CLDN14: variants seen among roughly 807,000 people sequenced by gnomAD.
The protein encoded by CLDN14 is claudin-14.
CLDN14 carries 2 observed loss-of-function variants against 2.1 expected under a neutral mutation model. The observed-to-expected ratio is 0.96, with a 90% CI of 0.39 to 3.01. The LOEUF (loss-of-function observed/expected upper bound fraction) is 3.01, where lower values mean the gene tolerates loss of function less well. CLDN14 is among the 30% of genes most tolerant of loss of function. The pLI, the probability that CLDN14 is intolerant of heterozygous loss-of-function variation, is 0.09. For synonymous variants in CLDN14, 136 were observed against 154.4 expected, an observed-to-expected ratio of 0.88 and a Z score of 0.88; for missense variants, 298 against 328.0, an observed-to-expected ratio of 0.91 and a Z score of 0.71.
intron 1 of CLDN14, among the ~76,000 whole-genome samples, chr21:36,523,759 A>AAAAAAGAAAGAAAG: frequency 1.3e-5 from 1 of 78,128 alleles, no homozygotes; most frequent in Non-Finnish European, 2.7e-5. Flanking sequence ...AAAAAAAAAA[A>AAAAAAGAAAGAAAG]AAAGAAAGAA....
In CLDN14 at chr21:36,544,694, C is replaced by G. The variant is rs1367917301; in HGVS notation, c.-220+31717G>C. ...TCTTTACACCTCCTTCCTGCTGACC[C>G]GACTGCAAATCAGCTTTTGATGGGA... is the stretch of plus-strand genomic sequence containing the variant. On this transcript the variant is annotated intron_variant, in intron 1 of 2. Transcript: ENST00000342108. This position sits in a 1 kb window ranked among gnomAD's most constrained non-coding sequence, Gnocchi z 4.1. Among the ~76,000 whole-genome samples, 1 of 152,144 alleles carries G rather than the reference C, an allele frequency of 6.6e-6. No homozygotes were observed. The highest frequency in any genetic ancestry group is 1.5e-5 in the Non-Finnish European group (1 of 68,036).
rs2087263752 is a variant in CLDN14 at position 36,520,796 on chromosome 21, A to T, written c.-219-10296T>A. Among the ~76,000 whole-genome samples, 3 of 152,086 alleles carry T rather than the reference A, an allele frequency of 2.0e-5. No homozygotes were observed. In the South Asian group the frequency reaches 6.2e-4, roughly 32 times the overall value. ...CCATACTTCTAAGCAATCCACCAGG[A>T]GCCACAATGGCCCCAAGCAAAAGAT... On this transcript the variant is annotated intron_variant, in intron 1 of 2. Coordinates refer to the CLDN14 transcript ENST00000342108.
chr21:36,488,192 C>T (rs919489149), intron 2 of CLDN14, among the ~76,000 whole-genome samples: 1 of 146,572 alleles, frequency 6.8e-6, no homozygotes, highest in Non-Finnish European at 1.5e-5. Context: ...GAAATATGCC[C>T]ATTGCAAAAA....
At chr21:36,472,633 G>A (rs1026752758) in intron 1 of CLDN14, among the ~76,000 whole-genome samples, 3 of 152,150 alleles carry the variant, frequency 2.0e-5, no homozygotes, top group African/African-American at 7.2e-5. Flanking sequence ...CATCAGCTCA[G>A]GCTGCCACAA....
At chr21:36,531,291 GTTTTT>G (rs573798801) in intron 1 of CLDN14, among the ~76,000 whole-genome samples, 9 of 144,324 alleles carry the variant, frequency 6.2e-5, no homozygotes, top group Non-Finnish European at 1.5e-5. Context: ...TGCTATAAAT[GTTTTT>G]TTTTTTTTGA....
In CLDN14 at chr21:36,499,851, A is replaced by G. The variant is rs2087076806; in HGVS notation, c.-82+10512T>C. Reference sequence around the variant, plus strand: ...CCAGGGCTGCTGTCATCTCCTGATGACGAGCAACATTTTCACAACATCAGG... The same window carrying G: ...CCAGGGCTGCTGTCATCTCCTGATGGCGAGCAACATTTTCACAACATCAGG... On this transcript the variant is annotated intron_variant, in intron 2 of 2. Coordinates refer to the CLDN14 transcript ENST00000342108. This position sits in a 1 kb window ranked among gnomAD's most constrained non-coding sequence, Gnocchi z 4.7. 1.3e-5 allele frequency among the ~76,000 whole-genome samples: 2 copies of G among 152,174 alleles called. No homozygotes were observed. Among genetic ancestry groups the G allele is most frequent in the Middle Eastern group, 3.4e-3 (1 of 294 alleles).
intron 1 of CLDN14, among the ~76,000 whole-genome samples, chr21:36,545,794 A>G (rs1304353611): frequency 6.6e-6 from 1 of 152,168 alleles, no homozygotes; most frequent in East Asian, 1.9e-4. Context: ...TCCCCTCCCA[A>G]TTAAAATGAT....
At chr21:36,513,474 C>T (rs566243795) in intron 1 of CLDN14, among the ~76,000 whole-genome samples, 1 of 152,336 alleles carries the variant, frequency 6.6e-6, no homozygotes, top group South Asian at 2.1e-4. Flanking sequence ...CTCAGGACTT[C>T]AGCTCCAGTG....
intron 1 of CLDN14, among the ~76,000 whole-genome samples, chr21:36,543,436 G>A (rs560091454): frequency 3.0e-4 from 45 of 152,218 alleles, no homozygotes; most frequent in Non-Finnish European, 5.6e-4. Context: ...GCAAACAAAA[G>A]AGAGTGATAG....
At chr21:36,479,096 A>G (rs1171558431) in intron 1 of CLDN14, among the ~76,000 whole-genome samples, 1 of 152,002 alleles carries the variant, frequency 6.6e-6, no homozygotes, top group East Asian at 1.9e-4. Flanking sequence ...TTGCAGAAAA[A>G]CGAGGGAGTC....
chr21:36,524,263 G>A (rs904367061), intron 1 of CLDN14, among the ~76,000 whole-genome samples: 1 of 152,280 alleles, frequency 6.6e-6, no homozygotes, highest in East Asian at 1.9e-4. Flanking sequence ...GGGGTCACAC[G>A]TGTGTGCCGC....
chr21:36,563,754 T>C (rs1428775249), intron 1 of CLDN14, among the ~76,000 whole-genome samples: 1 of 152,216 alleles, frequency 6.6e-6, no homozygotes, highest in Non-Finnish European at 1.5e-5. Context: ...TGGAGCCTTT[T>C]GGCAGACAGG....
chr21:36,550,994 G>C (rs1016965107), intron 1 of CLDN14, among the ~76,000 whole-genome samples: 1 of 152,224 alleles, frequency 6.6e-6, no homozygotes, highest in Admixed American at 6.5e-5. Context: ...GCAGGCACCA[G>C]GGGAAGGCCA....
chr21:36,537,401 CTTTA>C (rs1448036443), intron 1 of CLDN14, among the ~76,000 whole-genome samples: 1 of 151,994 alleles, frequency 6.6e-6, no homozygotes, highest in Admixed American at 6.6e-5. Flanking sequence ...TTAGATCCTG[CTTTA>C]TTTTTTATTT....
chr21:36,564,164 C>A lies in CLDN14; in HGVS notation c.-220+12247G>T, dbSNP rs573643842. ...AGGAGCTCGGCTCAGTGTTTGTCAG[C>A]AAAATTAGCCTTTTCTTGCAGTGTT... On this transcript the variant is annotated intron_variant, in intron 1 of 2. Coordinates refer to the CLDN14 transcript ENST00000342108. Among the ~76,000 whole-genome samples, 3 of 152,312 alleles carry A rather than the reference C, an allele frequency of 2.0e-5. No homozygotes were observed. The South Asian group carries it at 6.2e-4, about 32-fold the overall frequency.
intron 2 of CLDN14, among the ~76,000 whole-genome samples, chr21:36,501,100 TC>T (rs1423044598): frequency 6.6e-6 from 1 of 152,196 alleles, no homozygotes; most frequent in Non-Finnish European, 1.5e-5. Flanking sequence ...GCCTGCCACA[TC>T]CTGAACCCTT....
chr21:36,470,240 C>A (rs540755054), intron 1 of CLDN14, among the ~76,000 whole-genome samples: 122 of 152,120 alleles, frequency 8.0e-4, no homozygotes, highest in Non-Finnish European at 1.7e-3. Context: ...CAGAATGTGA[C>A]CTTATTTGGA....
At chr21:36,538,632 A>AG (rs2087452200) in intron 1 of CLDN14, among the ~76,000 whole-genome samples, 1 of 46,206 alleles carries the variant, frequency 2.2e-5, no homozygotes, top group African/African-American at 3.8e-5. Context: ...AAAGAGAGAG[A>AG]AAAAAAAGAA....
At chr21:36,513,329 G>A (rs1004623451) in intron 1 of CLDN14, among the ~76,000 whole-genome samples, 8 of 152,192 alleles carry the variant, frequency 5.3e-5, no homozygotes, top group Admixed American at 5.2e-4. Context: ...TGGCAATGCG[G>A]CAGCCATTTG....
Sources: allele counts gnomAD v4.1 joint callset (sites outside exome capture counted in the v4.1 genomes callset), GRCh38; gene constraint gnomAD v4.1.1; non-coding constraint Gnocchi (gnomAD v3.1); transcripts MANE v1.5; gene names NCBI Gene and HGNC (gene_info 2026-07-23, HGNC 2026-07-21).